The following PTPRD variants were observed in gnomAD, a reference collection of about 807,000 sequenced individuals.
PTPRD encodes receptor-type tyrosine-protein phosphatase delta.
PTPRD carries 34 observed loss-of-function variants against 214.5 expected under a neutral mutation model. The observed-to-expected ratio is 0.16, with a 90% CI of 0.12 to 0.21. The LOEUF is 0.21. Ranked by LOEUF, PTPRD falls within the 10% of genes least tolerant of loss-of-function variation. The pLI, the probability that PTPRD is intolerant of heterozygous loss-of-function variation, is 1.00. For missense variants in PTPRD, 2,545 were observed against 2,398.7 expected (o/e 1.06, Z -1.27); for synonymous variants, 1,128 against 845.7 (o/e 1.33, Z -5.79).
At chr9:9,112,799 T>TA (rs2099807915) in intron 10 of PTPRD, among the ~76,000 whole-genome samples, 1 of 152,130 alleles carries the variant, frequency 6.6e-6, no homozygotes, top group Non-Finnish European at 1.5e-5. Flanking sequence ...TGAGATAACA[T>TA]AAAAGCAGAT....
intron 12 of PTPRD, among the ~76,000 whole-genome samples, chr9:8,648,113 C>T (rs1040305155): frequency 2.5e-4 from 38 of 152,230 alleles, no homozygotes; most frequent in African/African-American, 8.2e-4. Flanking sequence ...AAGACCATAA[C>T]GTGGGTCAGA....
chr9:8,967,601 T>C (rs2099205738), intron 11 of PTPRD, among the ~76,000 whole-genome samples: 3 of 147,142 alleles, frequency 2.0e-5, no homozygotes, highest in Non-Finnish European at 4.5e-5. Flanking sequence ...ACTAAGAACG[T>C]GGTATCAAAA....
intron 5 of PTPRD, among the ~76,000 whole-genome samples, chr9:9,861,541 C>A (rs559299720): frequency 2.6e-5 from 4 of 152,170 alleles, no homozygotes; most frequent in Admixed American, 2.0e-4. Context: ...CCGCCCACCT[C>A]GGCCTCTCAA....
chr9:9,426,254 G>A (rs1253253050), intron 8 of PTPRD, among the ~76,000 whole-genome samples: 1 of 152,226 alleles, frequency 6.6e-6, no homozygotes, highest in Non-Finnish European at 1.5e-5. Context: ...CACACCAGGA[G>A]ATTATATTCT....
chr9:9,119,287 A>G (rs2099815334), intron 10 of PTPRD, among the ~76,000 whole-genome samples: 1 of 152,218 alleles, frequency 6.6e-6, no homozygotes, highest in South Asian at 2.1e-4. Flanking sequence ...CCTAGTTTCT[A>G]TCTATTGCTT....
intron 11 of PTPRD, among the ~76,000 whole-genome samples, chr9:9,012,250 A>G (rs757863692): frequency 5.9e-5 from 9 of 152,178 alleles, no homozygotes; most frequent in Non-Finnish European, 1.0e-4. Flanking sequence ...AAGCCTCCAG[A>G]TGAGAACCAA....
chr9:9,133,450 T>A (rs1157184296), intron 10 of PTPRD, among the ~76,000 whole-genome samples: 1 of 152,184 alleles, frequency 6.6e-6, no homozygotes, highest in African/African-American at 2.4e-5. Flanking sequence ...AGATGGTCAA[T>A]TCATTTTAAG....
intron 7 of PTPRD, among the ~76,000 whole-genome samples, chr9:9,671,648 C>A (rs760721701): frequency 1.3e-5 from 2 of 152,148 alleles, no homozygotes; most frequent in Non-Finnish European, 2.9e-5. Flanking sequence ...TTCCCCCATA[C>A]TGTTCTCATG....
intron 5 of PTPRD, among the ~76,000 whole-genome samples, chr9:9,833,524 T>A (rs888885116): frequency 6.6e-6 from 1 of 151,710 alleles, no homozygotes; most frequent in East Asian, 1.9e-4. Context: ...TTGTCATTGA[T>A]AACATCTTAT....
rs372742680 is a variant in PTPRD at position 10,060,646 on chromosome 9, C to A, written c.-544-26856G>T. ...TTGCCACCAACCTCTAAATACATGA[C>A]AAATTGCATGCAAATTAGATTTAAT... On this transcript the variant is annotated intron_variant, in intron 3 of 45. Coordinates refer to ENST00000381196, the MANE Select transcript of PTPRD (RefSeq NM_002839.4). Among the ~76,000 whole-genome samples, 16 of 151,866 alleles carry A rather than the reference C, an allele frequency of 1.1e-4. No homozygotes were observed. In the East Asian group the frequency reaches 2.9e-3, roughly 28 times the overall value.
chr9:9,925,718 C>G (rs1460036638), intron 5 of PTPRD, among the ~76,000 whole-genome samples: 2 of 151,966 alleles, frequency 1.3e-5, no homozygotes, highest in Non-Finnish European at 2.9e-5. Flanking sequence ...TGTCGTGTCT[C>G]AAAAAATTTT....
chr9:8,640,137 T>C (rs1472504022), intron 12 of PTPRD, among the ~76,000 whole-genome samples: 1 of 152,120 alleles, frequency 6.6e-6, no homozygotes, highest in Admixed American at 6.6e-5. Flanking sequence ...CCCTATGTTG[T>C]TCAGCATGTC....
intron 3 of PTPRD, among the ~76,000 whole-genome samples, chr9:10,083,368 A>G (rs1262850506): frequency 6.6e-6 from 1 of 152,028 alleles, no homozygotes; most frequent in Non-Finnish European, 1.5e-5. Flanking sequence ...TCATATACAC[A>G]GATTAGATTT....
intron 8 of PTPRD, among the ~76,000 whole-genome samples, chr9:9,522,443 G>T: frequency 6.6e-6 from 1 of 152,034 alleles, no homozygotes. Context: ...ACGAAAACAA[G>T]TAAGTTCAGC....
chr9:9,767,077 G>C (rs941416984), intron 5 of PTPRD, among the ~76,000 whole-genome samples: 3 of 150,784 alleles, frequency 2.0e-5, no homozygotes, highest in Non-Finnish European at 4.4e-5. Flanking sequence ...TTCATAATTT[G>C]AACCCAAAGG....
In PTPRD at chr9:8,316,998, C is replaced by CTT. The variant is rs1822330453; in HGVS notation, c.*874_*875dup. On this transcript the variant is annotated 3_prime_UTR_variant, in exon 46 of 46. Transcript: ENST00000381196. ...ATATATGTATATATGTTAGCAGCAACTTTATACTTTGCGCCTCCCTGTTGA... is the reference window on the plus strand; with the variant it reads ...ATATATGTATATATGTTAGCAGCAACTTTTTATACTTTGCGCCTCCCTGTTGA... 1.7e-5 allele frequency: 4 copies of CTT among 231,504 alleles called. No individual in the cohort carries two copies. The South Asian group carries it at 7.3e-4, about 42-fold the overall frequency. The allele number at this position is 231,504 out of a possible 1,614,324, so 14.3% of individuals were successfully genotyped here.
At chr9:9,655,006 G>T (rs369588737) in intron 7 of PTPRD, among the ~76,000 whole-genome samples, 63 of 112,970 alleles carry the variant, frequency 5.6e-4, no homozygotes, top group African/African-American at 1.6e-3. Flanking sequence ...TATATATATA[G>T]ATATAGATAT....
chr9:8,767,610 T>G lies in PTPRD; in HGVS notation c.-103-33664A>C, dbSNP rs906901026. On this transcript the variant is annotated intron_variant, in intron 11 of 45. Coordinates refer to ENST00000381196, the MANE Select transcript of PTPRD (RefSeq NM_002839.4). Reference sequence around the variant, plus strand: ...ATAGATGGGTGGCCATGATCAATCTTCAACAAAGAAAACAAACTCTAAAAG... The same window carrying G: ...ATAGATGGGTGGCCATGATCAATCTGCAACAAAGAAAACAAACTCTAAAAG... 6.9e-4 allele frequency among the ~76,000 whole-genome samples: 105 copies of G among 152,188 alleles called. 1 individual carries two copies. Among genetic ancestry groups the G allele is most frequent in the Non-Finnish European group, 1.9e-4 (13 of 68,026 alleles).
intron 33 of PTPRD, among the ~76,000 whole-genome samples, chr9:8,451,118 T>G (rs144872321): frequency 6.6e-6 from 1 of 152,176 alleles, no homozygotes; most frequent in Non-Finnish European, 1.5e-5. Flanking sequence ...CTCATCTGTA[T>G]AAAATAAAAC....
Sources: allele counts gnomAD v4.1 joint callset (sites outside exome capture counted in the v4.1 genomes callset), GRCh38; gene constraint gnomAD v4.1.1; transcripts MANE v1.5; gene names NCBI Gene and HGNC (gene_info 2026-07-23, HGNC 2026-07-21).